Variants in STK38 observed in about 807,000 individuals in gnomAD.
The protein encoded by STK38 is serine/threonine kinase 38.
STK38 carries 26 observed loss-of-function variants against 59.0 expected under a neutral mutation model. The observed-to-expected ratio is 0.44, with a 90% CI of 0.32 to 0.61. STK38 has a LOEUF of 0.61. Among genes scored for constraint, STK38 ranks in the 20% least tolerant of loss-of-function variants. The pLI is 0.04. For synonymous variants in STK38, 175 were observed against 176.6 expected, an observed-to-expected ratio of 0.99 and a Z score of 0.07; for missense variants, 433 against 566.0, an observed-to-expected ratio of 0.76 and a Z score of 2.38.
intron 2 of STK38, among the ~76,000 whole-genome samples, chr6:36,527,930 T>G (rs376070615): frequency 1.4e-5 from 2 of 143,256 alleles, no homozygotes; most frequent in Non-Finnish European, 3.0e-5. Context: ...AAACCCCATC[T>G]CTACTAAAAA....
At chr6:36,503,694 T>C (rs1262306957) in intron 9 of STK38, among the ~76,000 whole-genome samples, 1 of 152,130 alleles carries the variant, frequency 6.6e-6, no homozygotes, top group African/African-American at 2.4e-5. Flanking sequence ...AGAGGTCTAC[T>C]GCCAGAGGAA....
chr6:36,535,792 C>T (rs1477297430), intron 2 of STK38, among the ~76,000 whole-genome samples: 1 of 150,196 alleles, frequency 6.7e-6, no homozygotes, highest in East Asian at 2.0e-4. Context: ...AGGAGAATAG[C>T]TTGAACCCAG....
At chr6:36,513,611 C>T (rs1777167391) in intron 7 of STK38, among the ~76,000 whole-genome samples, 1 of 151,994 alleles carries the variant, frequency 6.6e-6, no homozygotes, top group African/African-American at 2.4e-5. Context: ...CCACCATGCC[C>T]GGCCCCGGCC....
chr6:36,527,253 CAT>C (rs1403828250), intron 2 of STK38, among the ~76,000 whole-genome samples: 11 of 138,320 alleles, frequency 8.0e-5, no homozygotes, highest in East Asian at 2.1e-4. Context: ...CACATGTATA[CAT>C]ATGTATATAT....
At chr6:36,522,406 G>A (rs560074922) in intron 4 of STK38, 4 of 152,350 alleles carry the variant, frequency 2.6e-5, no homozygotes, top group Non-Finnish European at 4.4e-5. Context: ...TTCAGAAATG[G>A]AGCAGGTCAA....
chr6:36,529,094 T>C (rs990375531), intron 2 of STK38, among the ~76,000 whole-genome samples: 1 of 152,140 alleles, frequency 6.6e-6, no homozygotes, highest in Non-Finnish European at 1.5e-5. Flanking sequence ...AAGGACAGCC[T>C]GAAATGAGAC....
chr6:36,530,540 T>C (rs1184640056), intron 2 of STK38, among the ~76,000 whole-genome samples: 1 of 151,104 alleles, frequency 6.6e-6, no homozygotes, highest in Non-Finnish European at 1.5e-5. Context: ...AATTTTTGTA[T>C]TTTTAGGAGA....
chr6:36,497,078 C>G (rs375201830), intron 12 of STK38, among the ~76,000 whole-genome samples: 1 of 152,196 alleles, frequency 6.6e-6, no homozygotes, highest in African/African-American at 2.4e-5. Flanking sequence ...GCAACTCCCC[C>G]CATGGCCTGG....
At chr6:36,508,010 T>C (rs554231642) in intron 7 of STK38, among the ~76,000 whole-genome samples, 1 of 148,860 alleles carries the variant, frequency 6.7e-6, no homozygotes, top group East Asian at 2.0e-4. Context: ...CATGGCTCAC[T>C]GCAGCCTCGA....
intron 4 of STK38, among the ~76,000 whole-genome samples, chr6:36,523,397 G>A (rs1229374231): frequency 6.6e-6 from 1 of 151,720 alleles, no homozygotes; most frequent in African/African-American, 2.4e-5. Flanking sequence ...TGAGTAGCTG[G>A]GATTACAGGC....
intron 9 of STK38, among the ~76,000 whole-genome samples, chr6:36,505,292 C>A (rs1359909236): frequency 6.6e-6 from 1 of 152,176 alleles, no homozygotes; most frequent in African/African-American, 2.4e-5. Flanking sequence ...TAATCCTCAA[C>A]AAGATAAACC....
At chr6:36,514,142 G>A (rs530806152) in intron 7 of STK38, among the ~76,000 whole-genome samples, 6 of 136,640 alleles carry the variant, frequency 4.4e-5, no homozygotes, top group East Asian at 2.2e-4. Flanking sequence ...GCGACAGAGC[G>A]AGACTCCGTC....
intron 9 of STK38, among the ~76,000 whole-genome samples, chr6:36,500,902 A>G (rs1776822990): frequency 2.0e-5 from 3 of 152,122 alleles, no homozygotes; most frequent in African/African-American, 7.2e-5. Context: ...TAACTTAAAC[A>G]TTTATAAATA....
intron 2 of STK38, among the ~76,000 whole-genome samples, chr6:36,531,441 A>T (rs1029043143): frequency 6.6e-6 from 1 of 152,262 alleles, no homozygotes; most frequent in Non-Finnish European, 1.5e-5. Context: ...TCAAACTGCT[A>T]TGAATTATCT....
intron 5 of STK38, among the ~76,000 whole-genome samples, chr6:36,521,421 C>T (rs1421570806): frequency 2.6e-5 from 4 of 152,022 alleles, no homozygotes; most frequent in Non-Finnish European, 4.4e-5. Context: ...CACTACCACA[C>T]CACGTACGAC....
intron 4 of STK38, among the ~76,000 whole-genome samples, chr6:36,522,876 A>AAAAAAAAAAAG (rs774099487): frequency 2.7e-4 from 27 of 98,860 alleles, no homozygotes; most frequent in Non-Finnish European, 3.1e-4. Flanking sequence ...AAAAAAAAAA[A>AAAAAAAAAAAG]AAGAAGAAGA....
At chr6:36,545,981 C>G (rs62402210) in intron 1 of STK38, among the ~76,000 whole-genome samples, 4,662 of 152,252 alleles carry the variant, frequency 0.031, 89 homozygotes, top group Middle Eastern at 0.045. Flanking sequence ...ATAAACAACC[C>G]TCTCTCAACA....
At chr6:36,544,883 A>G (rs907242810) in intron 1 of STK38, among the ~76,000 whole-genome samples, 5 of 152,156 alleles carry the variant, frequency 3.3e-5, no homozygotes, top group Non-Finnish European at 5.9e-5. Flanking sequence ...AACAACAACA[A>G]CAACAACAAA....
intron 2 of STK38, among the ~76,000 whole-genome samples, chr6:36,539,771 A>G (rs1582467000): frequency 7.2e-6 from 1 of 138,610 alleles, no homozygotes; most frequent in Non-Finnish European, 1.5e-5. Context: ...TTTTTTTAAG[A>G]TACAGAGTCT....
Sources: gnomAD v4.1 joint callset for allele counts (sites outside exome capture counted in the v4.1 genomes callset) on GRCh38, gnomAD v4.1.1 for gene constraint, MANE v1.5 for transcripts, NCBI Gene and HGNC (gene_info 2026-07-23, HGNC 2026-07-21) for gene names.